Variants in ZFHX2 observed in about 807,000 individuals in gnomAD.
ZFHX2 encodes zinc finger homeobox protein 2.
Under a neutral mutation model 164.8 loss-of-function variants are expected in ZFHX2, and 75 were observed. The ratio of observed to expected loss-of-function variants is 0.46; its 90% confidence interval spans 0.38 to 0.55. The LOEUF (loss-of-function observed/expected upper bound fraction) is 0.55. ZFHX2 is among the 20% of genes least tolerant of loss of function. The pLI is 0.00. For missense variants in ZFHX2, 2,933 were observed against 3,308.0 expected, an observed-to-expected ratio of 0.89 and a Z score of 2.78; for synonymous variants, 1,217 against 1,351.4, an observed-to-expected ratio of 0.90 and a Z score of 2.18.
chr14:23,552,104 T>C (rs1032395784), upstream of ZFHX2, among the ~76,000 whole-genome samples: 5 of 152,082 alleles, frequency 3.3e-5, no homozygotes, highest in East Asian at 9.7e-4. Flanking sequence ...TCCTGCCTTA[T>C]TATTCCGCCT....
rs1475929703 is a variant in ZFHX2, at chr14:23,522,177, C to A, written c.7504G>T (p.Val2502Leu). The change falls in exon 10 of 10, where the codon GTG (valine) becomes TTG (leucine). Residue 2502 changes from valine to leucine, a missense_variant. Transcript: ENST00000419474. ...ICTYHCLACE[V>L]LLSGREALAS... ...AGGGCTTCACGCCCACTCAGCAGCA[C>A]CTCACATGCCAGGCAGTGGTAGGTG... is the stretch of plus-strand genomic sequence containing the variant. 21 of 1,494,718 alleles carry A rather than the reference C, an allele frequency of 1.4e-5. No homozygotes were observed. The highest frequency in any genetic ancestry group is 1.9e-5 in the Non-Finnish European group (21 of 1,126,392). 92.6% of individuals were successfully genotyped at this position (1,494,718 alleles called of 1,614,324 possible). A position where few individuals can be genotyped will look rare whatever the true frequency, so the allele number is the denominator to read the frequency against.
Position 23,532,551 on chromosome 14 carries a change from C to T in ZFHX2, c.2559+16G>A, listed in dbSNP as rs41304369. On this transcript the variant is annotated intron_variant, in intron 3 of 9. Transcript: ENST00000419474. ...CCCTTCTCCTCTTCCGATGGCCCTT[C>T]CTGACCCAGCCTCACCTTATAGATT... is the stretch of plus-strand genomic sequence containing the variant. 22,858 of 1,432,724 alleles carry T rather than the reference C, an allele frequency of 0.016. 208 individuals carry two copies. Among genetic ancestry groups the T allele is most frequent in the Middle Eastern group, 0.021 (112 of 5,450 alleles). The allele number at this position is 1,432,724 out of a possible 1,614,324, so 88.8% of individuals were successfully genotyped here.
At chr14:23,538,470 G>A (rs534079591) in intron 1 of ZFHX2, among the ~76,000 whole-genome samples, 2 of 150,778 alleles carry the variant, frequency 1.3e-5, no homozygotes, top group Admixed American at 1.3e-4. Flanking sequence ...TCTCAGAATC[G>A]CTAGGTCCCT....
chr14:23,541,325 G>C (rs1190616945), intron 1 of ZFHX2, among the ~76,000 whole-genome samples: 1 of 140,152 alleles, frequency 7.1e-6, no homozygotes, highest in Non-Finnish European at 1.5e-5. Flanking sequence ...TTTCGCTCTT[G>C]TTGCCCAGGC....
At chr14:23,554,084 G>GGAGT (rs1427677891), upstream of ZFHX2, among the ~76,000 whole-genome samples, 1 of 150,964 alleles carries the variant, frequency 6.6e-6, no homozygotes, top group Non-Finnish European at 1.5e-5. Context: ...TTAGGAAAGT[G>GGAGT]GAGTAGCTTG....
In ZFHX2 at chr14:23,522,688, T is replaced by G. The variant is rs779318888; in HGVS notation, c.6993A>C (p.Lys2331Asn). Residue 2331 changes from lysine (K) to asparagine (N), a missense_variant, in exon 10 of 10, where the codon AAA becomes AAC. By Grantham distance (94) the Lys-to-Asn change is moderately conservative (BLOSUM62 0). Coordinates refer to ENST00000419474, the MANE Select transcript of ZFHX2 (RefSeq NM_033400.3). ...SSSNDALKNL[K>N]ALKTTVPALL... Reference sequence around the variant, plus strand: ...GGGCTGGGACAGTGGTCTTCAATGCTTTGAGGTTCTTGAGGGCATCATTGG... The same window carrying G: ...GGGCTGGGACAGTGGTCTTCAATGCGTTGAGGTTCTTGAGGGCATCATTGG... The G allele has an allele frequency of 3.5e-5, 54 of 1,536,452 alleles. No individual in the cohort carries two copies. Among genetic ancestry groups the G allele is most frequent in the Non-Finnish European group, 4.3e-5 (49 of 1,146,948 alleles).
At chr14:23,539,908 G>A (rs1880611023) in intron 1 of ZFHX2, among the ~76,000 whole-genome samples, 1 of 152,184 alleles carries the variant, frequency 6.6e-6, no homozygotes, top group Non-Finnish European at 1.5e-5. Flanking sequence ...CCAACTCCAT[G>A]GCAAAGTCTT....
chr14:23,532,887 C>T lies in ZFHX2; in HGVS notation c.2239G>A (p.Glu747Lys). 1 of 1,536,220 alleles carries T rather than the reference C, an allele frequency of 6.5e-7. No individual in the cohort carries two copies. The highest frequency in any genetic ancestry group is 8.7e-7 in the Non-Finnish European group (1 of 1,146,918). ...CCAGCCACCTCCTTCCATTCAGCTT[C>T]CGGGAGGCTCCGGCCTATGCTGCAG... ...YHCSIGRSLP[E>K]AEWKEVAGDT... The change falls in exon 3 of 10, where the codon GAA becomes AAA. Residue 747 changes from glutamate (E) to lysine (K), a missense_variant. Transcript: ENST00000419474.
chr14:23,540,202 G>T (rs1880648277), intron 1 of ZFHX2, among the ~76,000 whole-genome samples: 1 of 152,114 alleles, frequency 6.6e-6, no homozygotes, highest in African/African-American at 2.4e-5. Flanking sequence ...TGTTGCCCAG[G>T]CTGGTCTCAG....
intron 6 of ZFHX2, among the ~76,000 whole-genome samples, chr14:23,529,066 T>C (rs1164503895): frequency 6.6e-6 from 1 of 152,254 alleles, no homozygotes; most frequent in East Asian, 1.9e-4. Flanking sequence ...ACACTGCGTA[T>C]TGCAATAACA....
Position 23,533,445 on chromosome 14 carries a change from G to T in ZFHX2, c.1881C>A (p.Ser627Arg). The T allele has an allele frequency of 4.6e-6, 7 of 1,532,992 alleles. No homozygotes were observed. Among genetic ancestry groups the T allele is most frequent in the Non-Finnish European group, 5.2e-6 (6 of 1,144,780 alleles). The allele number at this position is 1,532,992 out of a possible 1,614,324, so 95.0% of individuals were successfully genotyped here. ...CAAAGTACTGGAAGAGTTCAGGGGG[G>T]CTAGTGGGGGTAGCCCCTGGTGGGG... The part of the protein sequence containing the change: ...PPPPPGATPT[S>R]PPELFQYFGP... Residue 627 changes from serine (S) to arginine (R), a missense_variant, in exon 2 of 10, where the codon AGC (serine) becomes AGA (arginine). Transcript: ENST00000419474. The surrounding 1 kb of genome is among the most constrained non-coding windows in gnomAD (Gnocchi z 4.8).
intron 1 of ZFHX2, among the ~76,000 whole-genome samples, chr14:23,549,852 A>T (rs1178992454): frequency 1.3e-5 from 2 of 152,146 alleles, no homozygotes; most frequent in Non-Finnish European, 2.9e-5. Context: ...GCTTGCTGGT[A>T]CTTTCTGCTG....
chr14:23,533,836 C>A lies in ZFHX2; in HGVS notation c.1490G>T (p.Arg497Leu). Residue 497 changes from arginine (R) to leucine (L), a missense_variant, in exon 2 of 10, where the codon CGT becomes CTT. Transcript: ENST00000419474. The surrounding 1 kb of genome is among the most constrained non-coding windows in gnomAD (Gnocchi z 4.8). ...SAGGAHPRLA[R>L]GESYNCGYKP... ...GTAGCCACAGTTGTAGCTCTCTCCA[C>A]GAGCAAGGCGGGGGTGGGCGCCCCC... The A allele has an allele frequency of 1.9e-6, 3 of 1,540,850 alleles. No individual in the cohort carries two copies. The highest frequency in any genetic ancestry group is 1.7e-6 in the Non-Finnish European group (2 of 1,149,070).
In ZFHX2 at chr14:23,533,102, AT is replaced by A; in HGVS notation, c.2042-19del. The A allele has an allele frequency of 6.7e-7, 1 of 1,494,932 alleles. No homozygotes were observed. The highest frequency in any genetic ancestry group is 1.4e-5 in the African/African-American group (1 of 71,910). 92.6% of individuals were successfully genotyped at this position (1,494,932 alleles called of 1,614,324 possible). On this transcript the variant is annotated intron_variant, in intron 2 of 9. Transcript: ENST00000419474. The surrounding 1 kb of genome is among the most constrained non-coding windows in gnomAD (Gnocchi z 4.8). Reference sequence around the variant, plus strand: ...TCCAGGGGCTAGAGGACAGAGACAGATTAGTGGCCCAAGAAAGAAATGGGGC... The same window carrying A: ...TCCAGGGGCTAGAGGACAGAGACAGATAGTGGCCCAAGAAAGAAATGGGGC...
chr14:23,534,115 G>T lies in ZFHX2; in HGVS notation c.1211C>A (p.Ala404Asp), dbSNP rs1395838521. The T allele has an allele frequency of 1.3e-6, 2 of 1,487,082 alleles. No homozygotes were observed. The highest frequency in any genetic ancestry group is 1.8e-6 in the Non-Finnish European group (2 of 1,121,694). 92.1% of individuals were successfully genotyped at this position (1,487,082 alleles called of 1,614,324 possible). A position where few individuals can be genotyped will look rare whatever the true frequency, so the allele number is the denominator to read the frequency against. The change falls in exon 2 of 10, where the codon GCC (alanine) becomes GAC (aspartate). Residue 404 changes from alanine to aspartate, a missense_variant. Physicochemically the swap from Ala to Asp is moderately radical, Grantham distance 126. Transcript: ENST00000419474. The surrounding 1 kb of genome is among the most constrained non-coding windows in gnomAD (Gnocchi z 4.5). Reference protein sequence around the residue: ...PTSKEGGTLPAPVGSPEDPSD... With the variant: ...PTSKEGGTLPDPVGSPEDPSD... ...GGGGTCTTCGGGGGAGCCCACTGGGGCAGGGAGAGTGCCCCCCTCCTTGGA... is the reference window on the plus strand; with the variant it reads ...GGGGTCTTCGGGGGAGCCCACTGGGTCAGGGAGAGTGCCCCCCTCCTTGGA...
chr14:23,524,416 T>G lies in ZFHX2; in HGVS notation c.5526A>C (p.Thr1842=). Residue 1842 remains threonine, a synonymous_variant, in exon 9 of 10, where the codon ACA becomes ACC. Transcript: ENST00000419474. This position sits in a 1 kb window ranked among gnomAD's most constrained non-coding sequence, Gnocchi z 5.6. ...RKHEDGSLSP[T]GSEAGGGGEG... ...CCCCTCCTCCCCCTGCTTCACTGCC[T>G]GTGGGAGACAAGCTGCCGTCCTCAT... 1 of 1,536,200 alleles carries G rather than the reference T, an allele frequency of 6.5e-7. No homozygotes were observed.
Position 23,534,816 on chromosome 14 carries a change from G to A in ZFHX2, c.510C>T (p.His170=). 6.5e-7 allele frequency: 1 copy of A among 1,536,202 alleles called. No homozygotes were observed. Among genetic ancestry groups the A allele is most frequent in the Non-Finnish European group, 8.7e-7 (1 of 1,146,916 alleles). The stretch of plus-strand genomic sequence containing the variant: ...GGATTGGGTCAAAGCCATGTTGGAT[G>A]TGAAGGGCAGTGAGGTGTGAGGGGG... ...YPPPSHLTAL[H]IQHGFDPIQG... is the part of the protein sequence containing the mutation. Residue 170 remains histidine, a synonymous_variant, in exon 2 of 10, where the codon CAC becomes CAT. Coordinates refer to ENST00000419474, the MANE Select transcript of ZFHX2 (RefSeq NM_033400.3). This position sits in a 1 kb window ranked among gnomAD's most constrained non-coding sequence, Gnocchi z 4.5.
Position 23,525,659 on chromosome 14 carries a change from G to A in ZFHX2, c.4283C>T (p.Pro1428Leu). ...EGNEAGPSSP[P>L]DPLPNEAART... The stretch of plus-strand genomic sequence containing the variant: ...GGCAGCCTCGTTGGGCAATGGGTCG[G>A]GGGGTGAGGAAGGCCCTGCCTCATT... The change falls in exon 9 of 10, where the codon CCC becomes CTC. Residue 1428 changes from proline (P) to leucine (L), a missense_variant. Transcript: ENST00000419474. The surrounding 1 kb of genome is among the most constrained non-coding windows in gnomAD (Gnocchi z 5.9). 2.6e-6 allele frequency: 4 copies of A among 1,535,626 alleles called. No individual in the cohort carries two copies. Among genetic ancestry groups the A allele is most frequent in the Non-Finnish European group, 3.5e-6 (4 of 1,146,688 alleles).
Position 23,535,029 on chromosome 14 carries a change from C to T in ZFHX2, c.297G>A (p.Glu99=). The part of the protein sequence containing the change: ...DPGVEKDKEQ[E]EEEEGLPPMD... ...TGGGAGGGAGCCCTTCTTCTTCCTC[C>T]TCCTGCTCCTTGTCCTTTTCCACCC... Residue 99 remains glutamate, a synonymous_variant, in exon 2 of 10, where the codon GAG becomes GAA. Coordinates refer to ENST00000419474, the MANE Select transcript of ZFHX2 (RefSeq NM_033400.3). The surrounding 1 kb of genome is among the most constrained non-coding windows in gnomAD (Gnocchi z 4.5). The T allele has an allele frequency of 6.5e-7, 1 of 1,536,196 alleles. No individual in the cohort carries two copies. Among genetic ancestry groups the T allele is most frequent in the South Asian group, 1.2e-5 (1 of 84,062 alleles).
Sources: gnomAD v4.1 joint callset for allele counts (sites outside exome capture counted in the v4.1 genomes callset) on GRCh38, gnomAD v4.1.1 for gene constraint, Gnocchi (gnomAD v3.1) non-coding constraint, MANE v1.5 for transcripts, NCBI Gene and HGNC (gene_info 2026-07-23, HGNC 2026-07-21) for gene names.